Variants in PNLIPRP3 observed in about 807,000 individuals in gnomAD.
The protein encoded by PNLIPRP3 is pancreatic lipase-related protein 3.
In PNLIPRP3, 58 loss-of-function variants were observed where a neutral mutation model predicts 52.8. That is an observed-to-expected ratio of 1.10 (90% CI 0.89 to 1.37). The LOEUF (loss-of-function observed/expected upper bound fraction) is 1.37, where lower values mean the gene tolerates loss of function less well. Among genes scored for constraint, PNLIPRP3 ranks in the 40% most tolerant of loss-of-function variants. PNLIPRP3 has a pLI of 0.00. For synonymous variants in PNLIPRP3, 192 were observed against 185.0 expected, an observed-to-expected ratio of 1.04 and a Z score of -0.31; for missense variants, 593 against 561.6, an observed-to-expected ratio of 1.06 and a Z score of -0.57.
In PNLIPRP3 at chr10:116,436,811, G is replaced by A; in HGVS notation, c.150G>A (p.Glu50=). 6.2e-7 allele frequency: 1 copy of A among 1,613,528 alleles called. No individual in the cohort carries two copies. Among genetic ancestry groups the A allele is most frequent in the African/African-American group, 1.3e-5 (1 of 74,988 alleles). ...TELVGLPWSP[E]KINTRFLLYT... ...TGGTAGGTTTACCCTGGTCTCCAGAGAAGATAAACACTCGTTTCCTGCTCT... is the reference window on the plus strand; with the variant it reads ...TGGTAGGTTTACCCTGGTCTCCAGAAAAGATAAACACTCGTTTCCTGCTCT... The change falls in exon 2 of 12, where the codon GAG becomes GAA. Residue 50 remains glutamate (E), a synonymous_variant. Transcript: ENST00000369230.
chr10:116,443,234 GT>G, intron 3 of PNLIPRP3, 60 bp downstream of exon 3: 3 of 1,524,330 alleles, frequency 2.0e-6, no homozygotes, highest in Non-Finnish European at 2.7e-6. Flanking sequence ...TAACATGAAT[GT>G]ACTTTGCAAG....
intron 2 of PNLIPRP3, chr10:116,439,660 A>G: frequency 1.3e-6 from 1 of 764,562 alleles, no homozygotes; most frequent in East Asian, 2.4e-5. Context: ...GTTATTCCAC[A>G]TCTCACCCAG....
At chr10:116,470,728 T>TC (rs930661931) in intron 9 of PNLIPRP3, among the ~76,000 whole-genome samples, 2 of 152,080 alleles carry the variant, frequency 1.3e-5, no homozygotes, top group African/African-American at 4.8e-5. Flanking sequence ...CAGGATGGTC[T>TC]CCATCTCCTG....
chr10:116,449,125 T>TA (rs535365159), intron 4 of PNLIPRP3, among the ~76,000 whole-genome samples: 147 of 152,182 alleles, frequency 9.7e-4, no homozygotes, highest in Non-Finnish European at 1.9e-3. Context: ...TCCAAAGGTT[T>TA]GAAGGTACAC....
rs149002542 is a variant in PNLIPRP3, at chr10:116,444,491, C to G, written c.434C>G (p.Ala145Gly). 3 of 1,612,898 alleles carry G rather than the reference C, an allele frequency of 1.9e-6. No homozygotes were observed. Among genetic ancestry groups the G allele is most frequent in the Non-Finnish European group, 2.5e-6 (3 of 1,179,330 alleles). The change falls in exon 4 of 12, where the codon GCT becomes GGT. Residue 145 changes from alanine (A) to glycine (G), a missense_variant. Ala to Gly is a moderately conservative substitution (Grantham distance 60). Transcript: ENST00000369230. ...CTCCGTGTTGTTGGTGCTGAGGTGG[C>G]TTATTTTATTGATGTTCTCATGGTA... ...NNLRVVGAEV[A>G]YFIDVLMKKF...
intron 2 of PNLIPRP3, among the ~76,000 whole-genome samples, chr10:116,440,556 A>G (rs1356604875): frequency 6.6e-6 from 1 of 152,232 alleles, no homozygotes; most frequent in African/African-American, 2.4e-5. Context: ...GGCCTGACTC[A>G]TATGCTATAT....
At chr10:116,443,663 T>A (rs969013088) in intron 3 of PNLIPRP3, among the ~76,000 whole-genome samples, 4 of 133,282 alleles carry the variant, frequency 3.0e-5, no homozygotes, top group South Asian at 2.6e-4. Context: ...TTTATATATA[T>A]AACACATATA....
intron 5 of PNLIPRP3, among the ~76,000 whole-genome samples, chr10:116,456,956 G>C (rs2133138150): frequency 6.6e-6 from 1 of 152,326 alleles, no homozygotes; most frequent in African/African-American, 2.4e-5. Context: ...TCCAGGTGCA[G>C]GCCATGCCAC....
chr10:116,476,244 A>G (rs947305129), intron 10 of PNLIPRP3, among the ~76,000 whole-genome samples: 4 of 152,170 alleles, frequency 2.6e-5, no homozygotes, highest in African/African-American at 7.2e-5. Context: ...GAAGGGAGGT[A>G]TTTCCACACT....
chr10:116,428,867 C>T (rs981890353), intron 1 of PNLIPRP3, among the ~76,000 whole-genome samples: 4 of 152,122 alleles, frequency 2.6e-5, no homozygotes, highest in Admixed American at 6.6e-5. Flanking sequence ...AGAAGACAGT[C>T]GTCACATCTA....
chr10:116,428,424 C>A (rs10885930), intron 1 of PNLIPRP3, among the ~76,000 whole-genome samples: 100,572 of 151,932 alleles, frequency 0.66, 39,559 homozygotes, highest in South Asian at 0.9. Context: ...TCAATTTCTT[C>A]ATTTCTAAGA....
At chr10:116,469,012 T>C (rs551220391) in intron 8 of PNLIPRP3, among the ~76,000 whole-genome samples, 173 bp from the exon 9 acceptor site, 3 of 152,326 alleles carry the variant, frequency 2.0e-5, no homozygotes, top group African/African-American at 7.2e-5. Flanking sequence ...TTTCCCTCAG[T>C]TGGTTTTGTT....
intron 4 of PNLIPRP3, among the ~76,000 whole-genome samples, chr10:116,449,302 ATAG>A (rs1846002233): frequency 2.4e-4 from 1 of 4,140 alleles, no homozygotes; most frequent in Non-Finnish European, 7.1e-3. Context: ...GAGTGATTGA[ATAG>A]ATAGTTTTGA....
intron 4 of PNLIPRP3, among the ~76,000 whole-genome samples, chr10:116,451,641 C>A (rs1434400399): frequency 6.6e-6 from 1 of 152,188 alleles, no homozygotes; most frequent in East Asian, 1.9e-4. Context: ...TCCCCACTTA[C>A]TCTCTTGCTC....
intron 1 of PNLIPRP3, among the ~76,000 whole-genome samples, chr10:116,433,367 A>T (rs183767708): frequency 6.6e-6 from 1 of 152,166 alleles, no homozygotes. Context: ...ATAAGCAAAA[A>T]CAAACTTTAG....
At chr10:116,456,406 T>C (rs1846113680) in intron 5 of PNLIPRP3, among the ~76,000 whole-genome samples, 1 of 152,292 alleles carries the variant, frequency 6.6e-6, no homozygotes, top group South Asian at 2.1e-4. Context: ...GATTTGATCA[T>C]TACACATTGT....
At position 116,456,154 on chromosome 10, in the gene PNLIPRP3, G is replaced by A. The variant is rs181047652; in HGVS notation, c.565+324G>A. 4.5e-3 allele frequency among the ~76,000 whole-genome samples: 680 copies of A among 152,304 alleles called. 2 individuals are homozygous for A. Among genetic ancestry groups the A allele is most frequent in the South Asian group, 0.012 (57 of 4,824 alleles). Reference sequence around the variant, plus strand: ...TGCAAAGAGTGAGGTTTACCTAGACGTAGGAGTAGAATGGTGGTTATGAGA... The same window carrying A: ...TGCAAAGAGTGAGGTTTACCTAGACATAGGAGTAGAATGGTGGTTATGAGA... On this transcript the variant is annotated intron_variant, in intron 5 of 11. Coordinates refer to ENST00000369230, the MANE Select transcript of PNLIPRP3 (RefSeq NM_001011709.3).
In PNLIPRP3 at chr10:116,445,874, A is replaced by T. The variant is rs1318914937; in HGVS notation, c.456+1361A>T. Among the ~76,000 whole-genome samples the T allele has an allele frequency of 2.0e-5, 3 of 152,146 alleles. No individual in the cohort carries two copies. In the East Asian group the frequency reaches 5.8e-4, roughly 29 times the overall value. ...TCTCCACCTCTCTTTCTGTCATCTCATCACAAGTTACTAGCCCACCACAAT... is the reference window on the plus strand; with the variant it reads ...TCTCCACCTCTCTTTCTGTCATCTCTTCACAAGTTACTAGCCCACCACAAT... On this transcript the variant is annotated intron_variant, in intron 4 of 11. Coordinates refer to ENST00000369230, the MANE Select transcript of PNLIPRP3 (RefSeq NM_001011709.3).
chr10:116,472,150 C>G (rs978554326), intron 10 of PNLIPRP3, among the ~76,000 whole-genome samples: 9 of 152,086 alleles, frequency 5.9e-5, no homozygotes, highest in South Asian at 2.1e-4. Context: ...GTGGAAAAAA[C>G]TGACGGTATT....
Sources: allele counts gnomAD v4.1 joint callset (sites outside exome capture counted in the v4.1 genomes callset), GRCh38; gene constraint gnomAD v4.1.1; transcripts MANE v1.5; gene names NCBI Gene and HGNC (gene_info 2026-07-23, HGNC 2026-07-21).